RAB11FIP2: variants seen among roughly 807,000 people sequenced by gnomAD.
RAB11FIP2 encodes the protein RAB11 family interacting protein 2.
RAB11FIP2 carries 16 observed loss-of-function variants against 40.9 expected under a neutral mutation model. The observed-to-expected ratio is 0.39, with a 90% confidence interval of 0.26 to 0.59. The LOEUF (loss-of-function observed/expected upper bound fraction) is 0.59. RAB11FIP2 is among the 20% of genes least tolerant of loss of function. The pLI is 0.53. For missense variants in RAB11FIP2, 532 were observed against 606.2 expected (o/e 0.88, Z 1.28); for synonymous variants, 228 against 213.7 (o/e 1.07, Z -0.58).
At position 118,004,927 on chromosome 10, in the gene RAB11FIP2, C is replaced by A. The variant is rs529711990; in HGVS notation, c.*4071G>T. On this transcript the variant is annotated 3_prime_UTR_variant, in exon 5 of 5. Transcript: ENST00000355624. ...TGTTGACAACTGAATTAAGTTTAAA[C>A]ACTTTAATCAACTATAAGTCAATAA... is the stretch of plus-strand genomic sequence containing the variant. The A allele has an allele frequency of 6.6e-6, 1 of 152,596 alleles. No individual in the cohort carries two copies. Among genetic ancestry groups the A allele is most frequent in the Admixed American group, 6.5e-5 (1 of 15,270 alleles). The allele number at this position is 152,596 out of a possible 1,614,324, so 9.5% of individuals were successfully genotyped here.
chr10:118,031,464 T>A (rs1846412574), intron 3 of RAB11FIP2, among the ~76,000 whole-genome samples: 2 of 152,148 alleles, frequency 1.3e-5, no homozygotes, highest in Non-Finnish European at 2.9e-5. Flanking sequence ...GAAAGACATT[T>A]AAATATACAT....
intron 3 of RAB11FIP2, among the ~76,000 whole-genome samples, chr10:118,027,209 T>C (rs1846353473): frequency 6.6e-6 from 1 of 152,206 alleles, no homozygotes; most frequent in African/African-American, 2.4e-5. Context: ...CATTTTACAG[T>C]TGGAAAAATG....
At position 118,012,099 on chromosome 10, in the gene RAB11FIP2, TATAA is replaced by T. The variant is rs1176676254; in HGVS notation, c.1312-2878_1312-2875del. On this transcript the variant is annotated intron_variant, in intron 4 of 4. Coordinates refer to ENST00000355624, the MANE Select transcript of RAB11FIP2 (RefSeq NM_014904.3). ...AACGTTTCAAAAATTTGTGTTTTGA[TATAA>T]ATTAAAGCCATGATATAAATTAATA... Among the ~76,000 whole-genome samples the T allele has an allele frequency of 3.3e-5, 5 of 152,164 alleles. No individual in the cohort carries two copies. In the East Asian group the frequency reaches 5.8e-4, roughly 18 times the overall value.
chr10:118,040,279 G>C lies in RAB11FIP2; in HGVS notation c.640C>G (p.Pro214Ala). 6.2e-7 allele frequency: 1 copy of C among 1,613,844 alleles called. No individual in the cohort carries two copies. The highest frequency in any genetic ancestry group is 8.5e-7 in the Non-Finnish European group (1 of 1,179,814). ...EIQMKSKPKK[P>A]FLLGPQRLSS... ...AGTCGCTGAGGACCCAAGAGAAAAG[G>C]CTTTTTTGGTTTGGATTTCATCTGT... The change falls in exon 2 of 5, where the codon CCT (proline) becomes GCT (alanine). Residue 214 changes from proline to alanine, a missense_variant. Physicochemically the swap from Pro to Ala is conservative, Grantham distance 27. Coordinates refer to ENST00000355624, the MANE Select transcript of RAB11FIP2 (RefSeq NM_014904.3).
intron 3 of RAB11FIP2, among the ~76,000 whole-genome samples, chr10:118,028,352 A>T (rs903299415): frequency 1.3e-5 from 2 of 151,148 alleles, no homozygotes; most frequent in South Asian, 2.1e-4. Context: ...GAAATATATT[A>T]AATATATCAT....
At chr10:118,035,796 C>T (rs1038838582) in intron 3 of RAB11FIP2, among the ~76,000 whole-genome samples, 1 of 152,018 alleles carries the variant, frequency 6.6e-6, no homozygotes, top group African/African-American at 2.4e-5. Context: ...AATGCTGCAG[C>T]ACAGGGAACA....
At chr10:118,025,502 A>G (rs1345283925) in intron 3 of RAB11FIP2, among the ~76,000 whole-genome samples, 1 of 152,176 alleles carries the variant, frequency 6.6e-6, no homozygotes, top group Admixed American at 6.6e-5. Context: ...AGTTTTTCTG[A>G]GTTCATGTGC....
At chr10:118,011,036 A>T (rs993350606) in intron 4 of RAB11FIP2, among the ~76,000 whole-genome samples, 1 of 152,064 alleles carries the variant, frequency 6.6e-6, no homozygotes, top group Non-Finnish European at 1.5e-5. Flanking sequence ...CAGAGAAAGG[A>T]TATGATTAAA....
At chr10:118,032,776 T>C (rs1258229844) in intron 3 of RAB11FIP2, among the ~76,000 whole-genome samples, 1 of 152,116 alleles carries the variant, frequency 6.6e-6, no homozygotes, top group African/African-American at 2.4e-5. Context: ...TGGTAGGCCA[T>C]CCGATTCTGT....
intron 3 of RAB11FIP2, among the ~76,000 whole-genome samples, chr10:118,038,042 T>C (rs1206618258): frequency 6.6e-6 from 1 of 151,940 alleles, no homozygotes; most frequent in Non-Finnish European, 1.5e-5. Flanking sequence ...TTATTTATTT[T>C]TTTAAATATT....
At chr10:118,045,377 T>C (rs1589650300) in intron 1 of RAB11FIP2, 1 of 161,110 alleles carries the variant, frequency 6.2e-6, no homozygotes, top group African/African-American at 2.4e-5. Context: ...CTAAATCTGG[T>C]GATTTATCTT....
At chr10:118,032,320 T>C (rs1846424352) in intron 3 of RAB11FIP2, among the ~76,000 whole-genome samples, 1 of 152,082 alleles carries the variant, frequency 6.6e-6, no homozygotes, top group South Asian at 2.1e-4. Context: ...AATTCATTCA[T>C]AGATGCCATA....
At chr10:118,028,490 C>T (rs1230232227) in intron 3 of RAB11FIP2, among the ~76,000 whole-genome samples, 2 of 152,056 alleles carry the variant, frequency 1.3e-5, no homozygotes, top group Non-Finnish European at 2.9e-5. Context: ...TAATTTGTAT[C>T]ACCAGCAGCT....
chr10:118,039,916 T>C, intron 2 of RAB11FIP2: 1 of 507,720 alleles, frequency 2.0e-6, no homozygotes. Context: ...TATTATCATC[T>C]AATAATATAA....
intron 1 of RAB11FIP2, among the ~76,000 whole-genome samples, 177 bp from the exon 2 acceptor site, chr10:118,040,742 C>T (rs968662189): frequency 2.0e-5 from 3 of 151,966 alleles, no homozygotes; most frequent in Admixed American, 6.6e-5. Flanking sequence ...GTTTAAAAAA[C>T]TGATCATTGT....
chr10:118,019,734 G>A (rs944948404), intron 3 of RAB11FIP2, among the ~76,000 whole-genome samples: 1 of 151,738 alleles, frequency 6.6e-6, no homozygotes, highest in Non-Finnish European at 1.5e-5. Flanking sequence ...GCTGAGGCAA[G>A]AGAATGGCAT....
intron 3 of RAB11FIP2, among the ~76,000 whole-genome samples, chr10:118,018,613 T>C (rs1449214852): frequency 6.6e-6 from 1 of 152,250 alleles, no homozygotes; most frequent in African/African-American, 2.4e-5. Flanking sequence ...TTCCAAATAT[T>C]AAAGAATTTT....
At chr10:118,042,563 G>A (rs1284733881) in intron 1 of RAB11FIP2, among the ~76,000 whole-genome samples, 4 of 152,200 alleles carry the variant, frequency 2.6e-5, no homozygotes, top group African/African-American at 9.7e-5. Context: ...TTAATAAGGA[G>A]ACATGAGAGC....
chr10:118,036,314 A>G (rs778537368), intron 3 of RAB11FIP2, among the ~76,000 whole-genome samples: 9 of 152,058 alleles, frequency 5.9e-5, no homozygotes, highest in Non-Finnish European at 1.3e-4. Flanking sequence ...AACTGTAAAT[A>G]GGTCTATTTA....
Sources: allele counts gnomAD v4.1 joint callset (sites outside exome capture counted in the v4.1 genomes callset), GRCh38; gene constraint gnomAD v4.1.1; transcripts MANE v1.5; gene names NCBI Gene and HGNC (gene_info 2026-07-23, HGNC 2026-07-21).